Variants in CADM2 observed in about 807,000 individuals in gnomAD.
CADM2 encodes immunoglobulin superfamily member 4D.
In CADM2, 12 loss-of-function variants were observed where a neutral mutation model predicts 49.8. The observed-to-expected ratio is 0.24, with a 90% CI of 0.15 to 0.39. The LOEUF (loss-of-function observed/expected upper bound fraction) is 0.39. Among genes scored for constraint, CADM2 ranks in the 10% least tolerant of loss-of-function variants. The pLI is 1.00. For missense variants in CADM2, 378 were observed against 492.3 expected (o/e 0.77, Z 2.20); for synonymous variants, 214 against 175.4 (o/e 1.22, Z -1.74).
chr3:85,484,987 T>C (rs2039360272), intron 1 of CADM2, among the ~76,000 whole-genome samples: 1 of 151,864 alleles, frequency 6.6e-6, no homozygotes, highest in Non-Finnish European at 1.5e-5. Context: ...CACAAACCCC[T>C]GTCAAAACAG....
Position 85,001,909 on chromosome 3 carries a change from T to A in CADM2, c.61+42241T>A, listed in dbSNP as rs148187396. On this transcript the variant is annotated intron_variant, in intron 1 of 9. Coordinates refer to ENST00000383699, the MANE Select transcript of CADM2 (RefSeq NM_001167675.2). ...TCGAATAATTAAATGCCTTCAAATA[T>A]GTGATTAATAGTTGCAGAGAAACTT... is the stretch of plus-strand genomic sequence containing the variant. Among the ~76,000 whole-genome samples, 708 of 152,232 alleles carry A rather than the reference T, an allele frequency of 4.7e-3. 7 individuals carry two copies. Among genetic ancestry groups the A allele is most frequent in the African/African-American group, 0.016 (667 of 41,556 alleles).
chr3:86,061,986 T>G (rs376452804), intron 8 of CADM2, among the ~76,000 whole-genome samples: 8 of 132,982 alleles, frequency 6.0e-5, no homozygotes, highest in Non-Finnish European at 9.8e-5. Flanking sequence ...CTGTTGATGG[T>G]GGGGGGGGGG....
rs557701143 is a variant in CADM2, at chr3:85,027,700, A to G, written c.61+68032A>G. Among the ~76,000 whole-genome samples the G allele has an allele frequency of 4.3e-4, 65 of 152,298 alleles. 1 individual carries two copies. Among genetic ancestry groups the G allele is most frequent in the African/African-American group, 1.5e-3 (63 of 41,580 alleles). On this transcript the variant is annotated intron_variant, in intron 1 of 9. Transcript: ENST00000383699. ...TTTAGATAATTACCTTAAGCTAGAC[A>G]TTGTAAAAAGAGCTTTACATAAAAT...
chr3:85,155,576 T>A (rs1462584135), intron 1 of CADM2, among the ~76,000 whole-genome samples: 1 of 152,086 alleles, frequency 6.6e-6, no homozygotes, highest in Non-Finnish European at 1.5e-5. Flanking sequence ...AACTCAGCTC[T>A]GCATCAAGAG....
intron 2 of CADM2, among the ~76,000 whole-genome samples, chr3:85,730,417 G>A (rs2067880011): frequency 1.3e-5 from 2 of 150,478 alleles, no homozygotes; most frequent in African/African-American, 4.9e-5. Flanking sequence ...ACTCCAGCCT[G>A]GGTAACAGAG....
intron 1 of CADM2, among the ~76,000 whole-genome samples, chr3:85,265,660 C>T (rs2043106887): frequency 6.6e-6 from 1 of 151,918 alleles, no homozygotes; most frequent in Non-Finnish European, 1.5e-5. Flanking sequence ...GATTAAATTC[C>T]CAACACATGA....
intron 3 of CADM2, among the ~76,000 whole-genome samples, chr3:85,881,083 C>CT (rs1712692708): frequency 1.3e-5 from 2 of 151,984 alleles, no homozygotes; most frequent in South Asian, 4.1e-4. Flanking sequence ...GCTATCTTTT[C>CT]TTTTTATCCT....
intron 1 of CADM2, among the ~76,000 whole-genome samples, chr3:85,698,124 C>T (rs181266344): frequency 5.1e-4 from 78 of 152,272 alleles, no homozygotes; most frequent in Admixed American, 2.9e-3. Context: ...TTTACTATAC[C>T]TCAAGATTTT....
intron 1 of CADM2, among the ~76,000 whole-genome samples, chr3:85,604,079 T>G (rs1373240783): frequency 2.0e-5 from 3 of 152,108 alleles, no homozygotes; most frequent in South Asian, 2.1e-4. Flanking sequence ...CTGGCTTCCC[T>G]TCTGTCATTC....
intron 8 of CADM2, among the ~76,000 whole-genome samples, chr3:86,005,568 A>T (rs2106854844): frequency 1.3e-5 from 2 of 152,114 alleles, no homozygotes; most frequent in Non-Finnish European, 2.9e-5. Flanking sequence ...AAAAAAAAAA[A>T]AAGTGAGCAT....
intron 2 of CADM2, among the ~76,000 whole-genome samples, chr3:85,783,233 G>T (rs1438364810): frequency 6.6e-6 from 1 of 152,154 alleles, no homozygotes; most frequent in East Asian, 1.9e-4. Context: ...AAACTCTTAT[G>T]TAAGAACAGC....
chr3:85,439,749 TAAAG>T (rs2037109575), intron 1 of CADM2, among the ~76,000 whole-genome samples: 1 of 152,034 alleles, frequency 6.6e-6, no homozygotes, highest in Non-Finnish European at 1.5e-5. Flanking sequence ...TTTATACAAA[TAAAG>T]AATATGTGCT....
chr3:85,164,189 T>G (rs1178455543), intron 1 of CADM2, among the ~76,000 whole-genome samples: 1 of 152,070 alleles, frequency 6.6e-6, no homozygotes, highest in Non-Finnish European at 1.5e-5. Flanking sequence ...ACTTTTCATG[T>G]GTAATATTGA....
chr3:85,953,169 CT>C (rs1173811146), intron 7 of CADM2, among the ~76,000 whole-genome samples: 1 of 150,850 alleles, frequency 6.6e-6, no homozygotes, highest in Non-Finnish European at 1.5e-5. Context: ...TAAAATAATA[CT>C]TTTTCATGTT....
At chr3:85,909,398 T>C (rs4464472) in intron 5 of CADM2, among the ~76,000 whole-genome samples, 46,811 of 144,324 alleles carry the variant, frequency 0.32, 8,493 homozygotes, top group East Asian at 0.42. Flanking sequence ...AAATGTAAAA[T>C]GAAATATATA....
chr3:85,388,697 C>G (rs757779730), intron 1 of CADM2, among the ~76,000 whole-genome samples: 1 of 151,900 alleles, frequency 6.6e-6, no homozygotes. Context: ...TCCAGACTTA[C>G]CATAGCCAGG....
intron 1 of CADM2, among the ~76,000 whole-genome samples, chr3:85,144,480 C>T (rs2039672496): frequency 6.6e-6 from 1 of 151,760 alleles, no homozygotes; most frequent in Non-Finnish European, 1.5e-5. Context: ...GTCTTGGTGG[C>T]ATATGCCTGT....
intron 1 of CADM2, among the ~76,000 whole-genome samples, chr3:85,325,128 T>C (rs190602178): frequency 6.6e-6 from 1 of 152,318 alleles, no homozygotes; most frequent in Admixed American, 6.5e-5. Flanking sequence ...AGCACACAAA[T>C]GAAGTTTTGA....
intron 1 of CADM2, among the ~76,000 whole-genome samples, chr3:85,298,434 G>A (rs1403399162): frequency 6.6e-6 from 1 of 152,076 alleles, no homozygotes; most frequent in Non-Finnish European, 1.5e-5. Flanking sequence ...ACATAAATAT[G>A]TGTTATCCCT....
Sources: allele counts gnomAD v4.1 joint callset (sites outside exome capture counted in the v4.1 genomes callset), GRCh38; gene constraint gnomAD v4.1.1; transcripts MANE v1.5; gene names NCBI Gene and HGNC (gene_info 2026-07-23, HGNC 2026-07-21).